The following ALG1 variants were observed in gnomAD, a reference collection of about 807,000 sequenced individuals.
ALG1 encodes the protein ALG1 chitobiosyldiphosphodolichol beta-mannosyltransferase.
ALG1 carries 58 observed loss-of-function variants against 55.1 expected under a neutral mutation model. The observed-to-expected ratio is 1.05, with a 90% CI of 0.85 to 1.31. The LOEUF (loss-of-function observed/expected upper bound fraction) is 1.31, where lower values mean the gene tolerates loss of function less well. Ranked by LOEUF, ALG1 falls within the 50% of genes most tolerant of loss-of-function variation. The pLI is 0.00. For missense variants in ALG1, 761 were observed against 598.6 expected (o/e 1.27, Z -2.83); for synonymous variants, 309 against 247.0 (o/e 1.25, Z -2.35).
At chr16:5,072,318 G>C in intron 1 of ALG1, 1 of 1,370,428 alleles carries the variant, frequency 7.3e-7, no homozygotes, top group Non-Finnish European at 9.6e-7. Context: ...GTGGAACCCA[G>C]GTGCGTGGAA....
At position 5,071,870 on chromosome 16, in the gene ALG1, C is replaced by T. The variant is rs149388535; in HGVS notation, c.21C>T (p.Val7=). Reference sequence around the variant, plus strand: ...CCAAGATGGCGGCCTCATGCTTGGTCCTGCTGGCGCTGTGTCTGCTGCTGC... The same window carrying T: ...CCAAGATGGCGGCCTCATGCTTGGTTCTGCTGGCGCTGTGTCTGCTGCTGC... The part of the protein sequence containing the change: MAASCL[V]LLALCLLLPL... Residue 7 remains valine (V), a synonymous_variant, in exon 1 of 13, where the codon GTC becomes GTT. Transcript: ENST00000262374. 279 of 1,604,880 alleles carry T rather than the reference C, an allele frequency of 1.7e-4. No individual in the cohort carries two copies. In the African/African-American group the frequency reaches 3.2e-3, roughly 18 times the overall value.
At chr16:5,081,144 C>G (rs1957012495) in intron 10 of ALG1, 88 bp downstream of exon 10, 1 of 1,371,368 alleles carries the variant, frequency 7.3e-7, no homozygotes. Context: ...CTCTGGAGGC[C>G]ACTGGGGGAC....
In ALG1 at chr16:5,077,796, A is replaced by G. The variant is rs1400267817; in HGVS notation, c.630-111A>G. ...AATTGCAAGGCTTCTTCTTGTCATC[A>G]TCTGAGACTTGGATTCCCCAAGCGT... On this transcript the variant is annotated intron_variant, in intron 5 of 12. Transcript: ENST00000262374. 18 of 1,197,686 alleles carry G rather than the reference A, an allele frequency of 1.5e-5. No individual in the cohort carries two copies. The South Asian group carries it at 1.8e-4, about 12-fold the overall frequency. 74.2% of individuals were successfully genotyped at this position (1,197,686 alleles called of 1,614,324 possible).
chr16:5,078,243 A>C (rs529017078), intron 6 of ALG1: 2 of 703,324 alleles, frequency 2.8e-6, no homozygotes, highest in Non-Finnish European at 5.1e-6. Flanking sequence ...CGCGTTTTGC[A>C]ACAGAGAACC....
At chr16:5,082,441 C>A in intron 10 of ALG1, 118 bp from the exon 11 acceptor site, 1 of 1,065,428 alleles carries the variant, frequency 9.4e-7, no homozygotes, top group Non-Finnish European at 1.4e-6. Context: ...GTGTTTGGGG[C>A]TGTTGGGGGC....
At chr16:5,082,770 CCCTCGGTCAGTCCGGCA>C in intron 11 of ALG1, 97 bp downstream of exon 11, 1 of 1,445,954 alleles carries the variant, frequency 6.9e-7, no homozygotes, top group Non-Finnish European at 9.5e-7. Context: ...GAGGCCCTGC[CCCTCGGTCAGTCCGGCA>C]CACACTGGAG....
chr16:5,080,506 G>C (rs111425958), intron 9 of ALG1, among the ~76,000 whole-genome samples: 1 of 152,218 alleles, frequency 6.6e-6, no homozygotes, highest in Non-Finnish European at 1.5e-5. Context: ...GCCGGGTCTG[G>C]GCCAGCTGCT....
rs1956824877 is a variant in ALG1, at chr16:5,072,009, C to T, written c.160C>T (p.Leu54=). 1.3e-6 allele frequency: 2 copies of T among 1,597,850 alleles called. No individual in the cohort carries two copies. Among genetic ancestry groups the T allele is most frequent in the African/African-American group, 2.7e-5 (2 of 74,644 alleles). Residue 54 remains leucine (L), a synonymous_variant, in exon 1 of 13, where the codon CTG becomes TTG. Coordinates refer to ENST00000262374, the MANE Select transcript of ALG1 (RefSeq NM_019109.5). ...CAGCCCCCGTATGCAGTACCACGCGCTGTCGTTGGCCATGCACGGCTTCTC... is the reference window on the plus strand; with the variant it reads ...CAGCCCCCGTATGCAGTACCACGCGTTGTCGTTGGCCATGCACGGCTTCTC... The part of the protein sequence containing the change: ...GRSPRMQYHA[L]SLAMHGFSVT...
Position 5,080,977 on chromosome 16 carries a change from C to T in ALG1, c.993C>T (p.Arg331=), listed in dbSNP as rs561385337. 22 of 1,596,424 alleles carry T rather than the reference C, an allele frequency of 1.4e-5. No homozygotes were observed. The highest frequency in any genetic ancestry group is 1.3e-4 in the Admixed American group (8 of 60,016). ...GKGPLREYYS[R]LIHQKHFQHI... is the part of the protein sequence containing the mutation. ...GGCCTCTGAGGGAGTATTATAGCCG[C>T]CTCATCCACCAGAAGCACTTCCAGC... is the stretch of plus-strand genomic sequence containing the variant. The change falls in exon 10 of 13, where the codon CGC becomes CGT. Residue 331 remains arginine (R), a synonymous_variant. Coordinates refer to ENST00000262374, the MANE Select transcript of ALG1 (RefSeq NM_019109.5).
At chr16:5,080,844 T>G (rs1312352723) in intron 9 of ALG1, 102 bp from the exon 10 acceptor site, 1 of 1,486,430 alleles carries the variant, frequency 6.7e-7, no homozygotes, top group African/African-American at 1.4e-5. Flanking sequence ...GGGGTGGAGC[T>G]TCTGGGAAAG....
At chr16:5,075,354 G>C in intron 3 of ALG1, 34 bp from the exon 4 acceptor site, 3 of 1,611,900 alleles carry the variant, frequency 1.9e-6, no homozygotes, top group Non-Finnish European at 2.5e-6. Context: ...GCATGGTCTG[G>C]GTTTCCTCCC....
intron 3 of ALG1, 95 bp from the exon 4 acceptor site, chr16:5,075,293 C>G: frequency 7.7e-7 from 1 of 1,305,622 alleles, no homozygotes; most frequent in Admixed American, 1.7e-5. Flanking sequence ...GTAAAGATAA[C>G]AGACTCATCA....
At position 5,071,880 on chromosome 16, in the gene ALG1, C is replaced by G. The variant is rs567776272; in HGVS notation, c.31C>G (p.Leu11Val). The change falls in exon 1 of 13, where the codon CTG (leucine) becomes GTG (valine). Residue 11 changes from leucine (L) to valine (V), a missense_variant. By Grantham distance (32) the Leu-to-Val change is conservative (BLOSUM62 1). Coordinates refer to ENST00000262374, the MANE Select transcript of ALG1 (RefSeq NM_019109.5). MAASCLVLLA[L>V]CLLLPLLLLG... The stretch of plus-strand genomic sequence containing the variant: ...GGCCTCATGCTTGGTCCTGCTGGCG[C>G]TGTGTCTGCTGCTGCCGCTGCTGCT... 7 of 1,603,478 alleles carry G rather than the reference C, an allele frequency of 4.4e-6. No homozygotes were observed. The highest frequency in any genetic ancestry group is 3.3e-5 in the South Asian group (3 of 90,128).
At position 5,084,984 on chromosome 16, in the gene ALG1, C is replaced by T; in HGVS notation, c.*103C>T. ...CTTTCGAGCAGCACCTCCCAGTGGC[C>T]AGAAGCTGAAATGACAGCAGTGGTA... On this transcript the variant is annotated 3_prime_UTR_variant, in exon 13 of 13. Coordinates refer to ENST00000262374, the MANE Select transcript of ALG1 (RefSeq NM_019109.5). The T allele has an allele frequency of 4.4e-6, 7 of 1,580,706 alleles. No individual in the cohort carries two copies. The highest frequency in any genetic ancestry group is 6.0e-6 in the Non-Finnish European group (7 of 1,165,908).
At chr16:5,074,531 C>G (rs1233885788) in intron 3 of ALG1, among the ~76,000 whole-genome samples, 1 of 152,208 alleles carries the variant, frequency 6.6e-6, no homozygotes, top group Non-Finnish European at 1.5e-5. Context: ...TTAATGGATA[C>G]TCAGATTCTT....
Position 5,072,393 on chromosome 16 carries a change from G to C in ALG1, c.208+336G>C, listed in dbSNP as rs1034266764. 11 of 637,720 alleles carry C rather than the reference G, an allele frequency of 1.7e-5. No individual in the cohort carries two copies. The South Asian group carries it at 1.8e-4, about 10-fold the overall frequency. 39.5% of individuals were successfully genotyped at this position (637,720 alleles called of 1,614,324 possible). On this transcript the variant is annotated intron_variant, in intron 1 of 12. Coordinates refer to ENST00000262374, the MANE Select transcript of ALG1 (RefSeq NM_019109.5). ...ACCCTTGTCAGGCTATGTCTGAGCT[G>C]ACAGGATATTTCATTCCTCATCCCT...
At chr16:5,082,698 T>C in intron 11 of ALG1, 25 bp downstream of exon 11, 2 of 1,609,776 alleles carry the variant, frequency 1.2e-6, no homozygotes, top group Non-Finnish European at 1.7e-6. Context: ...CAAATCCTTC[T>C]GGGGATAGCT....
chr16:5,071,857 C>A lies in ALG1; in HGVS notation c.8C>A (p.Ala3Asp), dbSNP rs559805054. The stretch of plus-strand genomic sequence containing the variant: ...TGCTGCGGGCCAGCCAAGATGGCGG[C>A]CTCATGCTTGGTCCTGCTGGCGCTG... MA[A>D]SCLVLLALCL... The change falls in exon 1 of 13, where the codon GCC becomes GAC. Residue 3 changes from alanine to aspartate, a missense_variant. Transcript: ENST00000262374. The A allele has an allele frequency of 4.0e-4, 646 of 1,604,626 alleles. 12 individuals are homozygous for A. In the South Asian group the frequency reaches 6.2e-3, roughly 16 times the overall value.
rs181025276 is a variant in ALG1 at position 5,072,832 on chromosome 16, A to G, written c.209-119A>G. On this transcript the variant is annotated intron_variant, in intron 1 of 12. Coordinates refer to ENST00000262374, the MANE Select transcript of ALG1 (RefSeq NM_019109.5). ...CTGTTCTGGCTAGTGAGGAGCAGAGAGAGGTTTTGAAATATCTTACTTTCC... is the reference window on the plus strand; with the variant it reads ...CTGTTCTGGCTAGTGAGGAGCAGAGGGAGGTTTTGAAATATCTTACTTTCC... 95 of 950,330 alleles carry G rather than the reference A, an allele frequency of 1.0e-4. No individual in the cohort carries two copies. The African/African-American group carries it at 1.2e-3, about 12-fold the overall frequency. 58.9% of individuals were successfully genotyped at this position (950,330 alleles called of 1,614,324 possible).
Sources: allele counts gnomAD v4.1 joint callset (sites outside exome capture counted in the v4.1 genomes callset), GRCh38; gene constraint gnomAD v4.1.1; transcripts MANE v1.5; gene names NCBI Gene and HGNC (gene_info 2026-07-23, HGNC 2026-07-21).